GRID2: variants seen among roughly 807,000 people sequenced by gnomAD.
GRID2 encodes the protein glutamate ionotropic receptor delta type subunit 2, also known as glutamate receptor ionotropic, delta-2.
Under a neutral mutation model 114.8 loss-of-function variants are expected in GRID2, and 33 were observed. The ratio of observed to expected loss-of-function variants is 0.29; its 90% CI spans 0.22 to 0.38. GRID2 has a LOEUF of 0.38. Ranked by LOEUF, GRID2 falls within the 10% of genes least tolerant of loss-of-function variation. The pLI is 1.00. For synonymous variants in GRID2, 505 were observed against 449.9 expected (o/e 1.12, Z -1.55); for missense variants, 1,184 against 1,257.7 (o/e 0.94, Z 0.89).
chr4:93,437,316 A>G (rs945569428), intron 10 of GRID2, among the ~76,000 whole-genome samples: 1 of 152,162 alleles, frequency 6.6e-6, no homozygotes, highest in Non-Finnish European at 1.5e-5. Flanking sequence ...GTTGTAGAGA[A>G]TTAATTATTC....
intron 14 of GRID2, among the ~76,000 whole-genome samples, chr4:93,705,631 G>A (rs1275151378): frequency 6.6e-6 from 1 of 152,056 alleles, no homozygotes; most frequent in Admixed American, 6.6e-5. Flanking sequence ...CATTTTGTGG[G>A]TTATTTCTTC....
At chr4:92,994,000 A>G (rs1041438654) in intron 2 of GRID2, among the ~76,000 whole-genome samples, 2 of 152,182 alleles carry the variant, frequency 1.3e-5, no homozygotes, top group African/African-American at 4.8e-5. Context: ...GGCCAGTAGA[A>G]GCAAACCCCT....
intron 1 of GRID2, among the ~76,000 whole-genome samples, chr4:92,306,390 C>A (rs1274519575): frequency 6.6e-6 from 1 of 152,150 alleles, no homozygotes; most frequent in Non-Finnish European, 1.5e-5. Context: ...AAATTATGGT[C>A]TCATTGAGTG....
intron 8 of GRID2, among the ~76,000 whole-genome samples, chr4:93,299,174 C>G (rs568868738): frequency 6.6e-6 from 1 of 152,148 alleles, no homozygotes; most frequent in Admixed American, 6.5e-5. Flanking sequence ...TTCAATCAGT[C>G]GTGGGCTATT....
At chr4:93,031,340 G>A (rs990425145) in intron 2 of GRID2, among the ~76,000 whole-genome samples, 23 of 152,122 alleles carry the variant, frequency 1.5e-4, no homozygotes, top group Admixed American at 1.4e-3. Context: ...CACCGTGCCC[G>A]GCCGTATCAT....
intron 11 of GRID2, among the ~76,000 whole-genome samples, chr4:93,458,553 G>A (rs1723420662): frequency 6.6e-6 from 1 of 152,106 alleles, no homozygotes; most frequent in Non-Finnish European, 1.5e-5. Flanking sequence ...GTTCCAGGTT[G>A]GGAGTCATAA....
rs75869525 is a variant in GRID2 at position 93,046,844 on chromosome 4, C to T, written c.245-38151C>T. On this transcript the variant is annotated intron_variant, in intron 2 of 15. Transcript: ENST00000282020. Reference sequence around the variant, plus strand: ...TAAGAAATATATGCCCATACTGATACAAATAAATGAATAATAAACAGGAAA... The same window carrying T: ...TAAGAAATATATGCCCATACTGATATAAATAAATGAATAATAAACAGGAAA... 6.1e-3 allele frequency among the ~76,000 whole-genome samples: 923 copies of T among 151,722 alleles called. 17 individuals carry two copies. The highest frequency in any genetic ancestry group is 0.022 in the African/African-American group (900 of 41,386).
intron 2 of GRID2, among the ~76,000 whole-genome samples, chr4:92,683,082 A>C (rs558804718): frequency 6.6e-6 from 1 of 152,044 alleles, no homozygotes; most frequent in African/African-American, 2.4e-5. Context: ...GGCGGATCAC[A>C]AGGTCAGGGG....
chr4:92,958,082 A>G (rs1254060341), intron 2 of GRID2, among the ~76,000 whole-genome samples: 3 of 152,020 alleles, frequency 2.0e-5, no homozygotes, highest in Non-Finnish European at 4.4e-5. Flanking sequence ...TTCCTACATA[A>G]TGATATCACC....
chr4:92,386,103 A>T (rs1480978731), intron 1 of GRID2, among the ~76,000 whole-genome samples: 1 of 151,618 alleles, frequency 6.6e-6, no homozygotes, highest in Non-Finnish European at 1.5e-5. Flanking sequence ...GACACCCTCC[A>T]GTTAAAACTC....
At chr4:92,969,771 T>A (rs960477839) in intron 2 of GRID2, among the ~76,000 whole-genome samples, 1 of 151,850 alleles carries the variant, frequency 6.6e-6, no homozygotes, top group Non-Finnish European at 1.5e-5. Context: ...AGTGAAGAAA[T>A]GCTACTATTC....
intron 2 of GRID2, among the ~76,000 whole-genome samples, chr4:93,035,822 C>T (rs1391669532): frequency 6.6e-6 from 1 of 152,170 alleles, no homozygotes; most frequent in Non-Finnish European, 1.5e-5. Flanking sequence ...TAAGCATGGA[C>T]TCTTTAACCT....
intron 13 of GRID2, among the ~76,000 whole-genome samples, chr4:93,528,154 A>C (rs1045282067): frequency 6.6e-6 from 1 of 151,616 alleles, no homozygotes; most frequent in Admixed American, 6.6e-5. Context: ...TATATATGCT[A>C]TATATATATG....
At chr4:93,677,153 T>C (rs1370996451) in intron 14 of GRID2, among the ~76,000 whole-genome samples, 2 of 152,174 alleles carry the variant, frequency 1.3e-5, no homozygotes, top group Admixed American at 6.5e-5. Context: ...GAGGGTCCTA[T>C]GCCCACGGAG....
At chr4:92,872,039 T>G (rs1450047756) in intron 2 of GRID2, among the ~76,000 whole-genome samples, 1 of 152,110 alleles carries the variant, frequency 6.6e-6, no homozygotes, top group Non-Finnish European at 1.5e-5. Flanking sequence ...GTGTTTGTGC[T>G]TATTTGTGTA....
At chr4:93,802,954 T>C (rs920847577) in intron 1 of GRID2, among the ~76,000 whole-genome samples, 4 of 152,206 alleles carry the variant, frequency 2.6e-5, no homozygotes, top group African/African-American at 9.6e-5. Flanking sequence ...TAAGCGCATT[T>C]AGGTGACTGT....
chr4:93,459,422 A>T (rs1304452103), intron 11 of GRID2, among the ~76,000 whole-genome samples: 1 of 152,106 alleles, frequency 6.6e-6, no homozygotes, highest in East Asian at 1.9e-4. Context: ...CTGATCAAGG[A>T]ACTGAGAGAT....
At position 92,688,664 on chromosome 4, in the gene GRID2, C is replaced by T. The variant is rs114541064; in HGVS notation, c.244+98378C>T. Among the ~76,000 whole-genome samples, 218 of 152,240 alleles carry T rather than the reference C, an allele frequency of 1.4e-3. 1 individual carries two copies. Among genetic ancestry groups the T allele is most frequent in the African/African-American group, 5.1e-3 (212 of 41,562 alleles). On this transcript the variant is annotated intron_variant, in intron 2 of 15. Transcript: ENST00000282020. Reference sequence around the variant, plus strand: ...CTAATTTTACTTCTCTTGCTGTTTCCACCACATCTGCAGTTACTTCCTACA... The same window carrying T: ...CTAATTTTACTTCTCTTGCTGTTTCTACCACATCTGCAGTTACTTCCTACA...
At chr4:92,601,676 C>A (rs531665916) in intron 2 of GRID2, among the ~76,000 whole-genome samples, 6 of 151,744 alleles carry the variant, frequency 4.0e-5, no homozygotes, top group African/African-American at 1.5e-4. Context: ...AAGAAATAAC[C>A]AAGATCAGAG....
Sources: gnomAD v4.1 joint callset for allele counts (sites outside exome capture counted in the v4.1 genomes callset) on GRCh38, gnomAD v4.1.1 for gene constraint, MANE v1.5 for transcripts, NCBI Gene and HGNC (gene_info 2026-07-23, HGNC 2026-07-21) for gene names.